WWP2: variants seen among roughly 807,000 people sequenced by gnomAD.
WWP2 encodes the protein NEDD4-like E3 ubiquitin-protein ligase WWP2.
In WWP2, 57 loss-of-function variants were observed where a neutral mutation model predicts 121.0. The observed-to-expected ratio is 0.47, with a 90% confidence interval of 0.38 to 0.59. The LOEUF (loss-of-function observed/expected upper bound fraction) is 0.59, where lower values mean the gene tolerates loss of function less well. Ranked by LOEUF, WWP2 falls within the 20% of genes least tolerant of loss-of-function variation. The probability of loss-of-function intolerance (pLI) is 0.00; values close to 1 mark genes in which losing one functional copy is unlikely to be tolerated. For synonymous variants in WWP2, 449 were observed against 441.3 expected, an observed-to-expected ratio of 1.02 and a Z score of -0.22; for missense variants, 962 against 1,158.9, an observed-to-expected ratio of 0.83 and a Z score of 2.47.
chr16:69,934,713 C>T (rs990702572), intron 17 of WWP2, among the ~76,000 whole-genome samples: 1 of 150,914 alleles, frequency 6.6e-6, no homozygotes, highest in East Asian at 2.0e-4. Context: ...GCCCAGAGAC[C>T]CTGGGCCCCC....
At position 69,882,079 on chromosome 16, in the gene WWP2, G is replaced by A. The variant is rs377141047; in HGVS notation, c.704-5960G>A. ...AAATGATCCACCTGCTTTGGCCTCCGAAAGTACTGGGATTACAGGCATGAG... is the reference window on the plus strand; with the variant it reads ...AAATGATCCACCTGCTTTGGCCTCCAAAAGTACTGGGATTACAGGCATGAG... On this transcript the variant is annotated intron_variant, in intron 7 of 23. Transcript: ENST00000359154. 1.1e-4 allele frequency among the ~76,000 whole-genome samples: 17 copies of A among 151,980 alleles called. 2 individuals are homozygous for A. Among genetic ancestry groups the A allele is most frequent in the East Asian group, 3.9e-4 (2 of 5,154 alleles).
At chr16:69,858,900 T>A (rs2057367421) in intron 6 of WWP2, among the ~76,000 whole-genome samples, 1 of 152,220 alleles carries the variant, frequency 6.6e-6, no homozygotes, top group Non-Finnish European at 1.5e-5. Context: ...ACTGGAATGC[T>A]GCTCCTTCGA....
chr16:69,789,981 G>A (rs1023625929), intron 2 of WWP2, among the ~76,000 whole-genome samples: 1 of 152,158 alleles, frequency 6.6e-6, no homozygotes, highest in Non-Finnish European at 1.5e-5. Context: ...GGTGGCTCAC[G>A]CCTGTAATCC....
chr16:69,795,662 T>TTG (rs960547713), intron 2 of WWP2, among the ~76,000 whole-genome samples: 2 of 135,964 alleles, frequency 1.5e-5, no homozygotes, highest in Admixed American at 7.5e-5. Context: ...TTTTTTTTTT[T>TTG]TTTTTTTTTT....
chr16:69,882,443 C>G (rs1178587388), intron 7 of WWP2, among the ~76,000 whole-genome samples: 8 of 151,984 alleles, frequency 5.3e-5, no homozygotes, highest in Admixed American at 2.6e-4. Context: ...ATTTCTTGAA[C>G]AAATATTTAT....
chr16:69,938,277 G>A (rs2058830585), intron 21 of WWP2, among the ~76,000 whole-genome samples: 2 of 151,836 alleles, frequency 1.3e-5, no homozygotes, highest in Admixed American at 1.3e-4. Flanking sequence ...CCCTCCCAAA[G>A]TGCTGGGATT....
intron 8 of WWP2, among the ~76,000 whole-genome samples, chr16:69,906,952 G>A (rs1201305442): frequency 6.6e-6 from 1 of 152,164 alleles, no homozygotes; most frequent in East Asian, 1.9e-4. Context: ...GAGTAGGAAT[G>A]TAATACTAAA....
intron 4 of WWP2, among the ~76,000 whole-genome samples, chr16:69,811,269 T>C (rs528541168): frequency 6.6e-6 from 1 of 152,196 alleles, no homozygotes; most frequent in East Asian, 1.9e-4. Flanking sequence ...AGGAGGTGAA[T>C]GTAGCTTGAA....
intron 4 of WWP2, among the ~76,000 whole-genome samples, chr16:69,800,766 T>C (rs1256765951): frequency 6.6e-6 from 1 of 151,490 alleles, no homozygotes; most frequent in African/African-American, 2.4e-5. Context: ...GGTTTCACTG[T>C]GTTGGTCAGG....
chr16:69,936,893 C>G, intron 19 of WWP2: 1 of 558,274 alleles, frequency 1.8e-6, no homozygotes, highest in Non-Finnish European at 3.1e-6. Context: ...GGGGCAGGAG[C>G]AGGAGGAGGT....
At chr16:69,776,062 T>G (rs2055520310) in intron 1 of WWP2, 1 of 152,292 alleles carries the variant, frequency 6.6e-6, no homozygotes, top group African/African-American at 2.4e-5. Context: ...GGAGCCCTGT[T>G]GGTGTGACAG....
intron 1 of WWP2, among the ~76,000 whole-genome samples, chr16:69,763,450 A>T (rs1488016156): frequency 2.0e-5 from 3 of 152,346 alleles, no homozygotes; most frequent in East Asian, 3.9e-4. Context: ...AGTGCAGTGT[A>T]ACTGGAACGA....
At chr16:69,845,441 CT>C (rs2057054328) in intron 6 of WWP2, among the ~76,000 whole-genome samples, 2 of 152,138 alleles carry the variant, frequency 1.3e-5, no homozygotes, top group Non-Finnish European at 2.9e-5. Context: ...GAATGATGGG[CT>C]TCTGCCTGCT....
In WWP2 at chr16:69,925,134, C is replaced by G; in HGVS notation, c.1180-296C>G. ...ACCATGCCAGGGCTGCTCCCTGCCT[C>G]CGCCACCCTGGCACACCTTCACCCG... On this transcript the variant is annotated intron_variant, in intron 10 of 23. Coordinates refer to ENST00000359154, the MANE Select transcript of WWP2 (RefSeq NM_001270454.2). The surrounding 1 kb of genome is among the most constrained non-coding windows in gnomAD (Gnocchi z 4.0). 1 of 1,155,804 alleles carries G rather than the reference C, an allele frequency of 8.7e-7. No homozygotes were observed. Among genetic ancestry groups the G allele is most frequent in the Non-Finnish European group, 1.1e-6 (1 of 936,436 alleles). The allele number at this position is 1,155,804 out of a possible 1,614,324, so 71.6% of individuals were successfully genotyped here. A position where few individuals can be genotyped will look rare whatever the true frequency, so the allele number is the denominator to read the frequency against.
chr16:69,856,853 C>G (rs2057324141), intron 6 of WWP2, among the ~76,000 whole-genome samples: 1 of 152,056 alleles, frequency 6.6e-6, no homozygotes, highest in Non-Finnish European at 1.5e-5. Flanking sequence ...ATCCCAGCTT[C>G]CTTTTGTTTT....
chr16:69,926,831 G>A (rs540404964), intron 11 of WWP2, among the ~76,000 whole-genome samples: 1 of 152,300 alleles, frequency 6.6e-6, no homozygotes, highest in South Asian at 2.1e-4. Flanking sequence ...GTCGTCAGTA[G>A]GCAGGGGAAA....
At chr16:69,879,748 A>G (rs1033113353) in intron 7 of WWP2, among the ~76,000 whole-genome samples, 3 of 152,170 alleles carry the variant, frequency 2.0e-5, no homozygotes, top group Admixed American at 6.5e-5. Flanking sequence ...TGGAATTACT[A>G]TGGTGATTTT....
chr16:69,821,303 G>C (rs1325797141), intron 4 of WWP2, among the ~76,000 whole-genome samples: 2 of 152,174 alleles, frequency 1.3e-5, no homozygotes, highest in African/African-American at 4.8e-5. Context: ...CCCTTTTCCT[G>C]GCTTTGGTAT....
chr16:69,931,777 C>T lies in WWP2; in HGVS notation c.1594-25C>T, dbSNP rs765817665. 2.5e-6 allele frequency: 4 copies of T among 1,611,794 alleles called. No individual in the cohort carries two copies. The African/African-American group carries it at 4.0e-5, about 16-fold the overall frequency. On this transcript the variant is annotated intron_variant, in intron 15 of 23. Coordinates refer to ENST00000359154, the MANE Select transcript of WWP2 (RefSeq NM_001270454.2). ...CTGCTGTGGAAGGGAGAGTGGCAGG[C>T]TGGCCCGATGCTCTGTCTTCCCAGA...
Sources: gnomAD v4.1 joint callset for allele counts (sites outside exome capture counted in the v4.1 genomes callset) on GRCh38, gnomAD v4.1.1 for gene constraint, Gnocchi (gnomAD v3.1) non-coding constraint, MANE v1.5 for transcripts, NCBI Gene and HGNC (gene_info 2026-07-23, HGNC 2026-07-21) for gene names.